The following NBAS variants were observed in gnomAD, a reference collection of about 807,000 sequenced individuals.
NBAS encodes NAG/BC035112 fusion.
A neutral mutation model predicts 302.5 loss-of-function variants in NBAS; 219 were observed. The observed-to-expected ratio is 0.72, with a 90% CI of 0.65 to 0.81. The LOEUF (loss-of-function observed/expected upper bound fraction) is 0.81, where lower values mean the gene tolerates loss of function less well. NBAS is among the 30% of genes least tolerant of loss of function. The probability of loss-of-function intolerance (pLI) is 0.00; values close to 1 mark genes in which losing one functional copy is unlikely to be tolerated. For missense variants in NBAS, 2,932 were observed against 2,841.6 expected (o/e 1.03, Z -0.72); for synonymous variants, 1,118 against 1,021.6 (o/e 1.09, Z -1.80).
the NBAS span, among the ~76,000 whole-genome samples, chr2:15,131,575 CTTCT>C: frequency 6.6e-6 from 1 of 152,084 alleles, no homozygotes; most frequent in Admixed American, 6.5e-5. Context: ...GAATTATTTT[CTTCT>C]TTAACTCATT....
chr2:14,814,207 C>T, the NBAS span, among the ~76,000 whole-genome samples: 6 of 152,194 alleles, frequency 3.9e-5, no homozygotes, highest in East Asian at 1.9e-4. Flanking sequence ...AGTTGGAGCC[C>T]GCACATAGAG....
intron 47 of NBAS, among the ~76,000 whole-genome samples, chr2:15,230,880 G>A (rs1212558802): frequency 6.6e-6 from 1 of 152,192 alleles, no homozygotes; most frequent in Admixed American, 6.5e-5. Flanking sequence ...GCTACCTGCT[G>A]CATGTGGAGT....
intron 48 of NBAS, among the ~76,000 whole-genome samples, chr2:15,202,507 C>T (rs1043748168): frequency 6.4e-5 from 9 of 140,920 alleles, no homozygotes; most frequent in East Asian, 2.2e-4. Flanking sequence ...CCTATAAATA[C>T]GTGTGTTTGT....
chr2:15,232,584 C>T (rs1667426202), intron 46 of NBAS, 73 bp from the exon 47 acceptor site: 1 of 1,388,100 alleles, frequency 7.2e-7, no homozygotes, highest in Non-Finnish European at 1.0e-6. Flanking sequence ...TATTCACACC[C>T]TTAAATGAAC....
At chr2:14,899,191 C>G in the NBAS span, among the ~76,000 whole-genome samples, 2 of 152,206 alleles carry the variant, frequency 1.3e-5, no homozygotes, top group African/African-American at 4.8e-5. Context: ...AAGAACATTA[C>G]TTCCTCCACA....
the NBAS span, among the ~76,000 whole-genome samples, chr2:15,077,032 G>A: frequency 1.3e-5 from 2 of 152,182 alleles, no homozygotes; most frequent in East Asian, 1.9e-4. Flanking sequence ...CTGGGATCCT[G>A]TATTAGTCCA....
At chr2:15,358,387 T>C (rs952233319) in intron 32 of NBAS, among the ~76,000 whole-genome samples, 8 of 152,104 alleles carry the variant, frequency 5.3e-5, no homozygotes, top group Non-Finnish European at 1.0e-4. Context: ...CTTGGCCGTG[T>C]GTGTGTGTAT....
the NBAS span, among the ~76,000 whole-genome samples, chr2:14,974,208 C>T: frequency 6.6e-6 from 1 of 152,174 alleles, no homozygotes; most frequent in Non-Finnish European, 1.5e-5. Context: ...CCATGTCTTC[C>T]CTGTCTTTGG....
intron 48 of NBAS, among the ~76,000 whole-genome samples, chr2:15,210,181 A>G (rs1666341729): frequency 6.6e-6 from 1 of 152,216 alleles, no homozygotes; most frequent in African/African-American, 2.4e-5. Flanking sequence ...AACAAAGTGA[A>G]GAGACAACAC....
rs112946130 is a variant in NBAS at position 15,525,550 on chromosome 2, A to G, written c.746+8993T>C. Among the ~76,000 whole-genome samples, 1,090 of 152,340 alleles carry G rather than the reference A, an allele frequency of 7.2e-3. 10 individuals are homozygous for G. Among genetic ancestry groups the G allele is most frequent in the African/African-American group, 0.022 (927 of 41,582 alleles). ...TAGTAGTGGTGGCACAACTCTATAC[A>G]TTTAGTAAAAATCAATGAATTATAT... is the stretch of plus-strand genomic sequence containing the variant. On this transcript the variant is annotated intron_variant, in intron 9 of 51. Coordinates refer to ENST00000281513, the MANE Select transcript of NBAS (RefSeq NM_015909.4).
At chr2:15,415,244 C>A (rs1458980183) in intron 25 of NBAS, among the ~76,000 whole-genome samples, 1 of 152,146 alleles carries the variant, frequency 6.6e-6, no homozygotes, top group African/African-American at 2.4e-5. Flanking sequence ...AATGAGGTAA[C>A]ACTGGGAAAG....
the NBAS span, among the ~76,000 whole-genome samples, chr2:14,954,082 A>G: frequency 6.6e-6 from 1 of 152,324 alleles, no homozygotes; most frequent in East Asian, 1.9e-4. Context: ...GACGAATGTA[A>G]AAAGTGCTTT....
At chr2:15,170,207 G>A (rs980063213) in intron 51 of NBAS, among the ~76,000 whole-genome samples, 1 of 152,174 alleles carries the variant, frequency 6.6e-6, no homozygotes, top group African/African-American at 2.4e-5. Context: ...TAACGCCTGC[G>A]GCCGCTGCTG....
At chr2:15,444,539 A>G (rs1168303914) in intron 21 of NBAS, among the ~76,000 whole-genome samples, 1 of 152,024 alleles carries the variant, frequency 6.6e-6, no homozygotes, top group Non-Finnish European at 1.5e-5. Context: ...TAGACCTAAA[A>G]CCATAAAACC....
the NBAS span, among the ~76,000 whole-genome samples, chr2:14,936,008 A>G: frequency 6.6e-6 from 1 of 152,318 alleles, no homozygotes; most frequent in Admixed American, 6.5e-5. Flanking sequence ...AATAGTTCCA[A>G]TGAAAGCATG....
chr2:15,532,647 T>C (rs1249268950), intron 9 of NBAS, among the ~76,000 whole-genome samples: 2 of 151,914 alleles, frequency 1.3e-5, no homozygotes, highest in Admixed American at 6.6e-5. Context: ...TTGTGTAAAA[T>C]TGGAATCAAG....
chr2:15,553,480 T>C lies in NBAS; in HGVS notation c.288-7A>G, dbSNP rs775607317. ...AGCCAAAAGCTTTCCATTGCTTTTA[T>C]GGAGAAGAAAGAGGGGGAAGAAAAT... is the stretch of plus-strand genomic sequence containing the variant. On this transcript the variant is annotated splice_region_variant and splice_polypyrimidine_tract_variant and intron_variant, in intron 4 of 51. Coordinates refer to ENST00000281513, the MANE Select transcript of NBAS (RefSeq NM_015909.4). 4 of 1,608,736 alleles carry C rather than the reference T, an allele frequency of 2.5e-6. No homozygotes were observed. The highest frequency in any genetic ancestry group is 4.5e-5 in the East Asian group (2 of 44,818).
At chr2:15,516,209 A>T (rs997318177) in intron 9 of NBAS, among the ~76,000 whole-genome samples, 1 of 152,224 alleles carries the variant, frequency 6.6e-6, no homozygotes, top group Non-Finnish European at 1.5e-5. Flanking sequence ...GCAATTTCAC[A>T]TAAATCCTGT....
At chr2:15,064,865 T>C in the NBAS span, among the ~76,000 whole-genome samples, 1 of 151,938 alleles carries the variant, frequency 6.6e-6, no homozygotes, top group Non-Finnish European at 1.5e-5. Flanking sequence ...CAAATCAAAC[T>C]CAACAGCACA....
Sources: gnomAD v4.1 joint callset for allele counts (sites outside exome capture counted in the v4.1 genomes callset) on GRCh38, gnomAD v4.1.1 for gene constraint, MANE v1.5 for transcripts, NCBI Gene and HGNC (gene_info 2026-07-23, HGNC 2026-07-21) for gene names.